RFX4: variants seen among roughly 807,000 people sequenced by gnomAD.
RFX4 encodes transcription factor RFX4.
Under a neutral mutation model 95.0 loss-of-function variants are expected in RFX4, and 10 were observed. That is an observed-to-expected ratio of 0.11 (90% confidence interval 0.06 to 0.18). The LOEUF is 0.18. Among genes scored for constraint, RFX4 ranks in the 10% least tolerant of loss-of-function variants. RFX4 has a pLI of 1.00. For missense variants in RFX4, 640 were observed against 922.0 expected, an observed-to-expected ratio of 0.69 and a Z score of 3.96; for synonymous variants, 321 against 340.7, an observed-to-expected ratio of 0.94 and a Z score of 0.64.
Position 106,583,251 on chromosome 12 carries a change from C to A in RFX4, c.-70C>A. The A allele has an allele frequency of 1.0e-6, 1 of 997,508 alleles. No homozygotes were observed. Among genetic ancestry groups the A allele is most frequent in the Non-Finnish European group, 1.5e-6 (1 of 677,298 alleles). The allele number at this position is 997,508 out of a possible 1,614,324, so 61.8% of individuals were successfully genotyped here. On this transcript the variant is annotated 5_prime_UTR_variant, in exon 1 of 18. Transcript: ENST00000392842. ...CTCCCTCCCTCCCTTCCTCCCTGGG[C>A]ATCTCTAGCACAGGGGATCCCCAAA...
chr12:106,635,970 G>A (rs2040502322), intron 2 of RFX4, among the ~76,000 whole-genome samples: 1 of 152,160 alleles, frequency 6.6e-6, no homozygotes, highest in Admixed American at 6.5e-5. Flanking sequence ...AGACCCACAT[G>A]TTCATGTCTT....
intron 4 of RFX4, among the ~76,000 whole-genome samples, chr12:106,655,638 GC>G (rs1352464339): frequency 1.3e-5 from 2 of 152,326 alleles, no homozygotes; most frequent in East Asian, 3.9e-4. Context: ...ACAGTGGAAA[GC>G]CCAGATGAGG....
At chr12:106,687,205 C>T (rs2041678592) in intron 6 of RFX4, 108 bp downstream of exon 6, 2 of 746,326 alleles carry the variant, frequency 2.7e-6, no homozygotes, top group African/African-American at 1.8e-5. Flanking sequence ...CACACACACA[C>T]ACACACACAC....
intron 2 of RFX4, among the ~76,000 whole-genome samples, chr12:106,626,701 T>A (rs2040308229): frequency 6.6e-6 from 1 of 152,070 alleles, no homozygotes; most frequent in African/African-American, 2.4e-5. Context: ...TTAGAGGGTT[T>A]GAAGAAATTG....
chr12:106,753,245 G>A (rs1244587787), intron 17 of RFX4, among the ~76,000 whole-genome samples: 3 of 152,102 alleles, frequency 2.0e-5, no homozygotes, highest in South Asian at 2.1e-4. Context: ...TGTCTTGGAT[G>A]TGCCGAGTTC....
In RFX4 at chr12:106,684,075, T is replaced by TG. The variant is rs1001604894; in HGVS notation, c.377+2028dup. Among the ~76,000 whole-genome samples, 24 of 152,112 alleles carry TG rather than the reference T, an allele frequency of 1.6e-4. 1 individual carries two copies. The South Asian group carries it at 3.1e-3, about 20-fold the overall frequency. On this transcript the variant is annotated intron_variant, in intron 5 of 17. Transcript: ENST00000392842. ...CAAATTGACAATGACAGAAGAAATC[T>TG]GGGGGGGTGGGCCAGGTGCAGTGGC...
chr12:106,676,354 C>T (rs1027504420), intron 4 of RFX4, among the ~76,000 whole-genome samples: 14 of 151,994 alleles, frequency 9.2e-5, no homozygotes, highest in African/African-American at 3.1e-4. Flanking sequence ...GACAGAACCT[C>T]GAGTTCATGG....
intron 2 of RFX4, among the ~76,000 whole-genome samples, chr12:106,635,322 GTTGT>G (rs1728603922): frequency 1.3e-5 from 2 of 152,260 alleles, no homozygotes; most frequent in South Asian, 4.1e-4. Context: ...ATTTGTCATT[GTTGT>G]TTGTTTTTGA....
intron 6 of RFX4, among the ~76,000 whole-genome samples, chr12:106,688,068 T>C (rs1334720027): frequency 1.4e-5 from 2 of 144,132 alleles, no homozygotes; most frequent in Admixed American, 6.9e-5. Context: ...ACATTTCTTT[T>C]TTTTTTTTTT....
chr12:106,646,689 C>T (rs1299061398), intron 3 of RFX4, among the ~76,000 whole-genome samples: 1 of 152,156 alleles, frequency 6.6e-6, no homozygotes, highest in East Asian at 1.9e-4. Flanking sequence ...CGTGGGATGC[C>T]AGGCTTGTCA....
chr12:106,716,770 C>G (rs999738227), intron 11 of RFX4, among the ~76,000 whole-genome samples: 2 of 152,000 alleles, frequency 1.3e-5, no homozygotes, highest in African/African-American at 4.8e-5. Context: ...TGTGTCAAAT[C>G]CAATACATGC....
intron 17 of RFX4, among the ~76,000 whole-genome samples, 196 bp from the exon 18 acceptor site, chr12:106,761,001 T>C (rs1021519191): frequency 3.9e-5 from 6 of 152,152 alleles, no homozygotes; most frequent in African/African-American, 1.4e-4. Flanking sequence ...ACTCAGGCTA[T>C]GAAATCTTTT....
At chr12:106,625,572 T>C (rs1316561372) in intron 2 of RFX4, among the ~76,000 whole-genome samples, 1 of 152,212 alleles carries the variant, frequency 6.6e-6, no homozygotes, top group Non-Finnish European at 1.5e-5. Context: ...AAAAAGTCCG[T>C]GACTGTTGGA....
chr12:106,696,518 A>G, intron 8 of RFX4, 72 bp downstream of exon 8: 1 of 1,562,350 alleles, frequency 6.4e-7, no homozygotes, highest in Non-Finnish European at 8.8e-7. Context: ...TCTTGTACTG[A>G]TTATAATCAT....
intron 7 of RFX4, among the ~76,000 whole-genome samples, chr12:106,689,677 C>G (rs1486383394): frequency 6.6e-6 from 1 of 152,122 alleles, no homozygotes; most frequent in East Asian, 1.9e-4. Context: ...ATTATAGATT[C>G]AGAGAAGCTA....
intron 4 of RFX4, among the ~76,000 whole-genome samples, chr12:106,679,464 CAAA>C (rs35165186): frequency 4.5e-4 from 66 of 146,156 alleles, no homozygotes; most frequent in African/African-American, 1.3e-3. Context: ...CAGAAAAAAA[CAAA>C]AAAAAAAACC....
At chr12:106,649,178 C>T (rs924000389) in intron 3 of RFX4, among the ~76,000 whole-genome samples, 7 of 151,676 alleles carry the variant, frequency 4.6e-5, no homozygotes, top group Non-Finnish European at 5.9e-5. Context: ...GAGGAGGAAA[C>T]GAGAAAATTT....
intron 3 of RFX4, among the ~76,000 whole-genome samples, chr12:106,651,165 A>G (rs901798437): frequency 6.6e-6 from 1 of 152,084 alleles, no homozygotes; most frequent in East Asian, 1.9e-4. Flanking sequence ...CATCTCCATC[A>G]TTAAAAGCAC....
intron 5 of RFX4, 87 bp downstream of exon 5, chr12:106,682,141 C>CT: frequency 7.4e-7 from 1 of 1,360,334 alleles, no homozygotes; most frequent in Non-Finnish European, 1.1e-6. Context: ...ATCCTGAGCT[C>CT]TGTCTGCAGG....
Sources: gnomAD v4.1 joint callset for allele counts (sites outside exome capture counted in the v4.1 genomes callset) on GRCh38, gnomAD v4.1.1 for gene constraint, MANE v1.5 for transcripts, NCBI Gene and HGNC (gene_info 2026-07-23, HGNC 2026-07-21) for gene names.